The following SLC14A2 variants were observed in gnomAD, a reference collection of about 807,000 sequenced individuals.
SLC14A2 encodes the protein urea transporter 2.
A neutral mutation model predicts 104.6 loss-of-function variants in SLC14A2; 91 were observed. That is an observed-to-expected ratio of 0.87 (90% CI 0.73 to 1.04). SLC14A2 has a LOEUF of 1.04. Among genes scored for constraint, SLC14A2 ranks in the 50% least tolerant of loss-of-function variants. The pLI is 0.00. For synonymous variants in SLC14A2, 476 were observed against 466.4 expected (o/e 1.02, Z -0.27); for missense variants, 1,189 against 1,156.0 (o/e 1.03, Z -0.41).
At chr18:45,459,534 G>A (rs140004382) in intron 1 of SLC14A2, among the ~76,000 whole-genome samples, 13 of 152,182 alleles carry the variant, frequency 8.5e-5, no homozygotes, top group Admixed American at 8.5e-4. Context: ...CCACCTCCTT[G>A]TCTGGGCCTT....
At chr18:45,440,231 T>A (rs1250426188) in intron 1 of SLC14A2, 1 of 151,722 alleles carries the variant, frequency 6.6e-6, no homozygotes, top group Non-Finnish European at 1.5e-5. Context: ...TTTTTTTTTT[T>A]AATTTTCTTC....
chr18:45,513,369 A>G (rs1290222035), intron 2 of SLC14A2, among the ~76,000 whole-genome samples: 1 of 152,230 alleles, frequency 6.6e-6, no homozygotes, highest in Non-Finnish European at 1.5e-5. Flanking sequence ...CCAATATGTG[A>G]TAAAGAAATT....
At chr18:45,524,357 C>T (rs1023382098) in intron 2 of SLC14A2, among the ~76,000 whole-genome samples, 1 of 152,216 alleles carries the variant, frequency 6.6e-6, no homozygotes, top group Non-Finnish European at 1.5e-5. Flanking sequence ...AATCCCATTG[C>T]ACTGCATTCA....
chr18:45,321,004 C>T (rs2085179667), intron 1 of SLC14A2, among the ~76,000 whole-genome samples: 1 of 152,192 alleles, frequency 6.6e-6, no homozygotes, highest in Admixed American at 6.5e-5. Context: ...AGACATTGAA[C>T]CAGGGTTCTT....
chr18:45,235,666 C>T (rs1477153945), intron 1 of SLC14A2, among the ~76,000 whole-genome samples: 1 of 151,482 alleles, frequency 6.6e-6, no homozygotes, highest in African/African-American at 2.4e-5. Context: ...TGACTGAGAA[C>T]GTGTGATGTT....
intron 1 of SLC14A2, among the ~76,000 whole-genome samples, chr18:45,398,714 G>A (rs1157660850): frequency 1.3e-5 from 2 of 152,142 alleles, no homozygotes; most frequent in Non-Finnish European, 2.9e-5. Flanking sequence ...AAGGATAAGT[G>A]CTATATGATT....
At chr18:45,273,165 T>C (rs2084668349) in intron 1 of SLC14A2, among the ~76,000 whole-genome samples, 1 of 152,186 alleles carries the variant, frequency 6.6e-6, no homozygotes, top group Admixed American at 6.6e-5. Flanking sequence ...ACTCTCGCTT[T>C]GCTATGTACT....
chr18:45,281,651 A>C (rs1370387759), intron 1 of SLC14A2, among the ~76,000 whole-genome samples: 1 of 152,118 alleles, frequency 6.6e-6, no homozygotes, highest in Non-Finnish European at 1.5e-5. Flanking sequence ...ATTTAGAAGT[A>C]TCTCTTGGTA....
intron 1 of SLC14A2, among the ~76,000 whole-genome samples, chr18:45,443,805 C>G (rs1845343215): frequency 6.6e-6 from 1 of 152,122 alleles, no homozygotes; most frequent in Non-Finnish European, 1.5e-5. Context: ...TCACTCAGAT[C>G]TCATTTTGAA....
At chr18:45,447,306 C>G (rs993492125) in intron 1 of SLC14A2, 3 of 152,322 alleles carry the variant, frequency 2.0e-5, no homozygotes, top group Non-Finnish European at 2.9e-5. Context: ...TGTGTGGAGA[C>G]AGTGACCTCC....
At chr18:45,277,779 A>G (rs1226160480) in intron 1 of SLC14A2, among the ~76,000 whole-genome samples, 1 of 152,232 alleles carries the variant, frequency 6.6e-6, no homozygotes, top group Admixed American at 6.5e-5. Context: ...AAACATATGT[A>G]ACACAGGATA....
chr18:45,601,729 T>C (rs748414057), intron 2 of SLC14A2, among the ~76,000 whole-genome samples: 6 of 152,244 alleles, frequency 3.9e-5, no homozygotes, highest in Non-Finnish European at 7.3e-5. Flanking sequence ...CTGAAATCAA[T>C]TGATCAGACT....
At chr18:45,322,427 T>C (rs1352055103) in intron 1 of SLC14A2, among the ~76,000 whole-genome samples, 4 of 152,188 alleles carry the variant, frequency 2.6e-5, no homozygotes, top group Non-Finnish European at 5.9e-5. Flanking sequence ...CATTGACAAT[T>C]GGCTAATGAC....
chr18:45,518,711 G>A (rs934997172), intron 2 of SLC14A2, among the ~76,000 whole-genome samples: 9 of 152,160 alleles, frequency 5.9e-5, no homozygotes, highest in African/African-American at 2.2e-4. Flanking sequence ...TGTGTTTTCA[G>A]AAAAAGACGG....
Position 45,417,107 on chromosome 18 carries a change from T to G in SLC14A2, c.-124-66126T>G, listed in dbSNP as rs754393966. 5.3e-4 allele frequency among the ~76,000 whole-genome samples: 80 copies of G among 152,310 alleles called. 1 individual carries two copies. The highest frequency in any genetic ancestry group is 8.8e-4 in the Non-Finnish European group (60 of 68,024). On this transcript the variant is annotated intron_variant, in intron 1 of 20. Transcript: ENST00000586448. Reference sequence around the variant, plus strand: ...TATGTTAGAGCTAGGGGTTGGTGGGTTTAAAAAATATCAGGATTTTGGTTA... The same window carrying G: ...TATGTTAGAGCTAGGGGTTGGTGGGGTTAAAAAATATCAGGATTTTGGTTA...
At chr18:45,186,077 AAT>A in the SLC14A2 span, among the ~76,000 whole-genome samples, 1 of 152,228 alleles carries the variant, frequency 6.6e-6, no homozygotes, top group Non-Finnish European at 1.5e-5. Context: ...CAATATTCTC[AAT>A]AGAGATGCCA....
chr18:45,613,616 G>A (rs1024213946), upstream of SLC14A2, among the ~76,000 whole-genome samples: 5 of 152,216 alleles, frequency 3.3e-5, no homozygotes, highest in African/African-American at 1.2e-4. Context: ...GGGAACTGGA[G>A]TAAAGGTCAC....
At chr18:45,530,384 A>G (rs933261664) in intron 2 of SLC14A2, among the ~76,000 whole-genome samples, 3 of 152,216 alleles carry the variant, frequency 2.0e-5, no homozygotes, top group African/African-American at 4.8e-5. Flanking sequence ...TAAGACAAAA[A>G]TATCATAGAC....
At chr18:45,424,047 G>C (rs928786548) in intron 1 of SLC14A2, 1 of 152,188 alleles carries the variant, frequency 6.6e-6, no homozygotes, top group African/African-American at 2.4e-5. Flanking sequence ...GCCACTCTTG[G>C]GACTGGCTTC....
Sources: allele counts gnomAD v4.1 joint callset (sites outside exome capture counted in the v4.1 genomes callset), GRCh38; gene constraint gnomAD v4.1.1; transcripts MANE v1.5; gene names NCBI Gene and HGNC (gene_info 2026-07-23, HGNC 2026-07-21).